Variants in COG5 observed in about 807,000 individuals in gnomAD.
COG5 encodes conserved oligomeric Golgi complex subunit 5.
COG5 carries 86 observed loss-of-function variants against 110.4 expected under a neutral mutation model. That is an observed-to-expected ratio of 0.78 (90% CI 0.65 to 0.93). COG5 has a LOEUF of 0.93. Ranked by LOEUF, COG5 falls within the 40% of genes least tolerant of loss-of-function variation. The probability of loss-of-function intolerance (pLI) is 0.00; values close to 1 mark genes in which losing one functional copy is unlikely to be tolerated. For missense variants in COG5, 1,077 were observed against 987.0 expected (o/e 1.09, Z -1.22); for synonymous variants, 360 against 334.6 (o/e 1.08, Z -0.83).
chr7:107,262,469 A>C (rs1417189175), intron 14 of COG5, among the ~76,000 whole-genome samples: 4 of 152,206 alleles, frequency 2.6e-5, no homozygotes, highest in African/African-American at 9.7e-5. Context: ...CAAGCGGGGC[A>C]GGGTATTAAG....
chr7:107,324,604 A>G, intron 10 of COG5, 83 bp from the exon 11 acceptor site: 2 of 693,086 alleles, frequency 2.9e-6, no homozygotes, highest in Non-Finnish European at 4.9e-6. Context: ...CGTAACCTTG[A>G]AAAGTTATTT....
intron 6 of COG5, among the ~76,000 whole-genome samples, chr7:107,420,801 T>C (rs1380529559): frequency 6.6e-6 from 1 of 152,210 alleles, no homozygotes; most frequent in Non-Finnish European, 1.5e-5. Context: ...ATTGATACCA[T>C]CACATAAACT....
intron 8 of COG5, among the ~76,000 whole-genome samples, chr7:107,367,762 T>C (rs1300896045): frequency 6.6e-6 from 1 of 151,958 alleles, no homozygotes; most frequent in African/African-American, 2.4e-5. Flanking sequence ...AGTGGTATAA[T>C]GGACATTAGA....
At chr7:107,516,366 T>A (rs770020725) in intron 6 of COG5, among the ~76,000 whole-genome samples, 1 of 152,212 alleles carries the variant, frequency 6.6e-6, no homozygotes, top group Non-Finnish European at 1.5e-5. Context: ...TGGATGCAAG[T>A]CCTCTATCAA....
At chr7:107,496,544 CA>C (rs1213191753) in intron 6 of COG5, among the ~76,000 whole-genome samples, 1 of 151,778 alleles carries the variant, frequency 6.6e-6, no homozygotes. Flanking sequence ...CCTATAATCC[CA>C]GCTACTTGGG....
At chr7:107,386,580 A>T (rs1790219305) in intron 7 of COG5, among the ~76,000 whole-genome samples, 1 of 152,174 alleles carries the variant, frequency 6.6e-6, no homozygotes, top group East Asian at 1.9e-4. Flanking sequence ...GTTCAGGCTG[A>T]GGGTTCATGA....
chr7:107,417,085 G>A (rs1792902718), intron 6 of COG5, among the ~76,000 whole-genome samples: 1 of 152,246 alleles, frequency 6.6e-6, no homozygotes, highest in Non-Finnish European at 1.5e-5. Context: ...GTGAGAAAGT[G>A]CAGAGAAAGG....
At chr7:107,410,774 T>C (rs1222074869) in intron 7 of COG5, among the ~76,000 whole-genome samples, 1 of 151,994 alleles carries the variant, frequency 6.6e-6, no homozygotes, top group Non-Finnish European at 1.5e-5. Flanking sequence ...ATAAAAGAAT[T>C]ATGAGTTATA....
chr7:107,373,387 G>A (rs1476161124), intron 7 of COG5, among the ~76,000 whole-genome samples: 2 of 152,072 alleles, frequency 1.3e-5, no homozygotes, highest in East Asian at 1.9e-4. Flanking sequence ...CTATAAAAAC[G>A]TGAAGTAGGG....
intron 7 of COG5, among the ~76,000 whole-genome samples, chr7:107,388,656 A>G (rs73417404): frequency 0.028 from 4,190 of 152,328 alleles, 201 homozygotes; most frequent in African/African-American, 0.092. Context: ...GCACTTTTCT[A>G]AAACCTCTCA....
intron 12 of COG5, among the ~76,000 whole-genome samples, chr7:107,294,407 G>A (rs968541131): frequency 1.3e-5 from 2 of 152,022 alleles, no homozygotes; most frequent in South Asian, 4.1e-4. Flanking sequence ...CTCTTATCTG[G>A]ATAAACAAAA....
intron 6 of COG5, among the ~76,000 whole-genome samples, chr7:107,415,451 C>A (rs902653219): frequency 6.6e-6 from 1 of 151,798 alleles, no homozygotes; most frequent in African/African-American, 2.4e-5. Flanking sequence ...GAGTTTATTA[C>A]ACATGTATAA....
chr7:107,460,130 C>T (rs748601085), intron 6 of COG5, among the ~76,000 whole-genome samples: 5 of 152,074 alleles, frequency 3.3e-5, no homozygotes, highest in Admixed American at 6.6e-5. Context: ...TGGCCGAGCA[C>T]GGTGGCTCAT....
intron 1 of COG5, among the ~76,000 whole-genome samples, chr7:107,559,046 G>A (rs1320473178): frequency 2.6e-5 from 4 of 151,316 alleles, no homozygotes; most frequent in Non-Finnish European, 5.9e-5. Flanking sequence ...AATATTTATG[G>A]CCTCAGATAT....
intron 14 of COG5, among the ~76,000 whole-genome samples, chr7:107,259,896 A>C (rs10264687): frequency 0.63 from 96,131 of 151,454 alleles, 32,639 homozygotes; most frequent in African/African-American, 0.9. Flanking sequence ...GTCACACCCA[A>C]TAGGATGCTA....
intron 21 of COG5, among the ~76,000 whole-genome samples, chr7:107,207,645 C>T (rs116687749): frequency 0.033 from 4,958 of 152,308 alleles, 255 homozygotes; most frequent in African/African-American, 0.11. Context: ...CCCACAGGCA[C>T]GAGCCAGGCG....
intron 16 of COG5, among the ~76,000 whole-genome samples, chr7:107,252,254 A>T (rs1322829302): frequency 5.9e-5 from 9 of 152,314 alleles, no homozygotes; most frequent in Admixed American, 4.6e-4. Context: ...CCACAAAAGG[A>T]TAGTAAGTAT....
At chr7:107,506,131 C>T (rs1008213334) in intron 6 of COG5, among the ~76,000 whole-genome samples, 1 of 152,196 alleles carries the variant, frequency 6.6e-6, no homozygotes, top group African/African-American at 2.4e-5. Flanking sequence ...GCAATGGTGA[C>T]AGGTAAGGTC....
At chr7:107,263,847 A>G (rs1413031239) in intron 14 of COG5, among the ~76,000 whole-genome samples, 2 of 152,182 alleles carry the variant, frequency 1.3e-5, no homozygotes, top group Admixed American at 1.3e-4. Context: ...ATGTTTTTAT[A>G]TAACTGTTAA....
Sources: gnomAD v4.1 joint callset for allele counts (sites outside exome capture counted in the v4.1 genomes callset) on GRCh38, gnomAD v4.1.1 for gene constraint, MANE v1.5 for transcripts, NCBI Gene and HGNC (gene_info 2026-07-23, HGNC 2026-07-21) for gene names.